The following VANGL1 variants were observed in gnomAD, a reference collection of about 807,000 sequenced individuals.
VANGL1 encodes the protein vang-like protein 1.
VANGL1 carries 18 observed loss-of-function variants against 48.4 expected under a neutral mutation model. The observed-to-expected ratio is 0.37, with a 90% CI of 0.26 to 0.55. The LOEUF (loss-of-function observed/expected upper bound fraction) is 0.55. VANGL1 is among the 20% of genes least tolerant of loss of function. VANGL1 has a pLI of 0.81. For missense variants in VANGL1, 667 were observed against 675.8 expected (o/e 0.99, Z 0.14); for synonymous variants, 257 against 261.8 (o/e 0.98, Z 0.18).
At chr1:115,686,488 C>T (rs1362894050) in intron 7 of VANGL1, among the ~76,000 whole-genome samples, 2 of 151,672 alleles carry the variant, frequency 1.3e-5, no homozygotes, top group African/African-American at 4.9e-5. Context: ...CAAGAAACAG[C>T]CATGTATCTA....
chr1:115,644,657 A>T (rs1173913438), intron 1 of VANGL1, among the ~76,000 whole-genome samples: 3 of 152,190 alleles, frequency 2.0e-5, no homozygotes, highest in African/African-American at 7.2e-5. Flanking sequence ...GTACCATCAG[A>T]TTTACAGAGG....
intron 4 of VANGL1, among the ~76,000 whole-genome samples, chr1:115,665,966 C>T (rs1222688288): frequency 2.0e-5 from 3 of 152,146 alleles, no homozygotes; most frequent in Admixed American, 2.0e-4. Context: ...GGTGCAGAAA[C>T]AGGCCTGGGG....
chr1:115,648,519 T>G (rs1351242427), intron 1 of VANGL1, among the ~76,000 whole-genome samples: 1 of 152,198 alleles, frequency 6.6e-6, no homozygotes, highest in Non-Finnish European at 1.5e-5. Context: ...TGGAGTTGTC[T>G]TAATGAATGG....
intron 4 of VANGL1, among the ~76,000 whole-genome samples, chr1:115,675,222 C>A (rs932987210): frequency 6.6e-6 from 1 of 152,146 alleles, no homozygotes; most frequent in Non-Finnish European, 1.5e-5. Context: ...TATATGGCTG[C>A]CAGGCGCAAT....
intron 1 of VANGL1, among the ~76,000 whole-genome samples, chr1:115,647,747 T>A (rs1308172813): frequency 6.6e-6 from 1 of 152,080 alleles, no homozygotes; most frequent in African/African-American, 2.4e-5. Flanking sequence ...GTGTTGAAGG[T>A]GGCACAGGGT....
At chr1:115,685,951 C>G (rs191621336) in intron 7 of VANGL1, among the ~76,000 whole-genome samples, 9 of 152,010 alleles carry the variant, frequency 5.9e-5, no homozygotes, top group Admixed American at 5.9e-4. Flanking sequence ...ATAACTATCT[C>G]ATTTGTATGT....
intron 5 of VANGL1, 133 bp from the exon 6 acceptor site, chr1:115,683,811 G>T: frequency 1.6e-6 from 2 of 1,225,650 alleles, no homozygotes; most frequent in Non-Finnish European, 2.4e-6. Flanking sequence ...CCTGGGAAGT[G>T]ACCTTTAGGA....
intron 7 of VANGL1, among the ~76,000 whole-genome samples, chr1:115,690,845 C>T (rs1653802898): frequency 6.6e-6 from 1 of 152,180 alleles, no homozygotes; most frequent in African/African-American, 2.4e-5. Context: ...TGACACCAGC[C>T]ACCCCATTTT....
intron 3 of VANGL1, among the ~76,000 whole-genome samples, chr1:115,660,696 G>A (rs1211738111): frequency 6.6e-6 from 1 of 152,174 alleles, no homozygotes; most frequent in East Asian, 1.9e-4. Context: ...TGTAAAGATA[G>A]ATATAGGACT....
chr1:115,663,891 T>C lies in VANGL1; in HGVS notation c.435T>C (p.Cys145=), dbSNP rs34768472. Residue 145 remains cysteine, a synonymous_variant, in exon 4 of 8, where the codon TGT becomes TGC. Transcript: ENST00000355485. ...PILWRDELEP[C]GTICEGLFIS... is the part of the protein sequence containing the mutation. ...TGTGGAGGGATGAGCTGGAGCCTTG[T>C]GGCACAATTTGTGAGGGGCTCTTTA... 3,109 of 1,614,240 alleles carry C rather than the reference T, an allele frequency of 1.9e-3. 57 individuals carry two copies. In the Admixed American group the frequency reaches 0.035, roughly 18 times the overall value.
intron 3 of VANGL1, among the ~76,000 whole-genome samples, chr1:115,660,704 A>G (rs1652515708): frequency 6.6e-6 from 1 of 152,202 alleles, no homozygotes; most frequent in South Asian, 2.1e-4. Context: ...TAGATATAGG[A>G]CTATAGATAA....
chr1:115,679,092 G>A (rs113923199), intron 4 of VANGL1, among the ~76,000 whole-genome samples: 3,538 of 152,240 alleles, frequency 0.023, 137 homozygotes, highest in African/African-American at 0.081. Flanking sequence ...GGTATGCTGG[G>A]CATCAAACAG....
chr1:115,647,809 G>T lies in VANGL1; in HGVS notation c.-137-3468G>T, dbSNP rs182374959. Among the ~76,000 whole-genome samples, 5 of 152,314 alleles carry T rather than the reference G, an allele frequency of 3.3e-5. No homozygotes were observed. In the East Asian group the frequency reaches 9.7e-4, roughly 29 times the overall value. Reference sequence around the variant, plus strand: ...TTAGCTGAGGAATTGGGAAGAACAGGACAGGATACTGGAGAGCACCTATGA... The same window carrying T: ...TTAGCTGAGGAATTGGGAAGAACAGTACAGGATACTGGAGAGCACCTATGA... On this transcript the variant is annotated intron_variant, in intron 1 of 7. Transcript: ENST00000355485.
In VANGL1 at chr1:115,663,581, G is replaced by A. The variant is rs182787241; in HGVS notation, c.205-80G>A. 3.2e-4 allele frequency: 506 copies of A among 1,597,420 alleles called. 2 individuals carry two copies. In the African/African-American group the frequency reaches 4.2e-3, roughly 13 times the overall value. ...GTGAATAGGGCTGGGTAGATGCAGCGGGCCCTGCATGTTCACTGCCCTTTG... is the reference window on the plus strand; with the variant it reads ...GTGAATAGGGCTGGGTAGATGCAGCAGGCCCTGCATGTTCACTGCCCTTTG... On this transcript the variant is annotated intron_variant, in intron 3 of 7. Coordinates refer to ENST00000355485, the MANE Select transcript of VANGL1 (RefSeq NM_138959.3).
At chr1:115,679,948 C>A (rs1377621322) in intron 4 of VANGL1, among the ~76,000 whole-genome samples, 1 of 149,366 alleles carries the variant, frequency 6.7e-6, no homozygotes. Context: ...AAAAGGCATG[C>A]ACAGGGGTGG....
chr1:115,651,032 C>T (rs1418765839), intron 1 of VANGL1, among the ~76,000 whole-genome samples: 1 of 152,050 alleles, frequency 6.6e-6, no homozygotes, highest in Non-Finnish European at 1.5e-5. Context: ...GGACAAGTGC[C>T]TCCCATTTTC....
In VANGL1 at chr1:115,696,951, G is replaced by T. The variant is rs1333408864; in HGVS notation, c.*5572G>T. On this transcript the variant is annotated 3_prime_UTR_variant, in exon 8 of 8. Transcript: ENST00000355485. ...AAAAGTGTCTTTGGCACTTCTTTTG[G>T]CACTGAAATGGTATTTGGGAAGCAT... 6.6e-6 allele frequency: 1 copy of T among 152,170 alleles called. No individual in the cohort carries two copies. The highest frequency in any genetic ancestry group is 1.5e-5 in the Non-Finnish European group (1 of 68,030). The allele number at this position is 152,170 out of a possible 1,614,324, so 9.4% of individuals were successfully genotyped here.
chr1:115,650,345 G>A (rs528606395), intron 1 of VANGL1, among the ~76,000 whole-genome samples: 2 of 152,228 alleles, frequency 1.3e-5, no homozygotes, highest in Admixed American at 6.5e-5. Context: ...TGTGGATCTC[G>A]GTTTTCTAGA....
Position 115,663,963 on chromosome 1 carries a change from A to C in VANGL1, c.507A>C (p.Ala169=). The change falls in exon 4 of 8, where the codon GCA becomes GCC. Residue 169 remains alanine (A), a synonymous_variant. Transcript: ENST00000355485. ...KLLILLIGTW[A]LFFRKRRADM... ...TCATTCTGCTCATAGGGACCTGGGC[A>C]CTTTTTTTCCGCAAGCGGAGAGCTG... 1 of 1,614,146 alleles carries C rather than the reference A, an allele frequency of 6.2e-7. No individual in the cohort carries two copies. Among genetic ancestry groups the C allele is most frequent in the Non-Finnish European group, 8.5e-7 (1 of 1,180,032 alleles).
Sources: allele counts gnomAD v4.1 joint callset (sites outside exome capture counted in the v4.1 genomes callset), GRCh38; gene constraint gnomAD v4.1.1; transcripts MANE v1.5; gene names NCBI Gene and HGNC (gene_info 2026-07-23, HGNC 2026-07-21).